The following ADGRB3 variants were observed in gnomAD, a reference collection of about 807,000 sequenced individuals.
ADGRB3 encodes adhesion G protein-coupled receptor B3.
In ADGRB3, 37 loss-of-function variants were observed where a neutral mutation model predicts 193.4. The ratio of observed to expected loss-of-function variants is 0.19; its 90% CI spans 0.15 to 0.25. The LOEUF (loss-of-function observed/expected upper bound fraction) is 0.25. Among genes scored for constraint, ADGRB3 ranks in the 10% least tolerant of loss-of-function variants. ADGRB3 has a pLI of 1.00. For synonymous variants in ADGRB3, 690 were observed against 644.2 expected (o/e 1.07, Z -1.08); for missense variants, 1,637 against 1,852.9 (o/e 0.88, Z 2.14).
chr6:68,719,970 G>A (rs1765549245), intron 3 of ADGRB3, among the ~76,000 whole-genome samples: 1 of 151,638 alleles, frequency 6.6e-6, no homozygotes, highest in Non-Finnish European at 1.5e-5. Context: ...GTGATGAAAA[G>A]GAGGGCTTTC....
chr6:69,180,738 A>G (rs1383401076), intron 17 of ADGRB3, among the ~76,000 whole-genome samples: 3 of 152,108 alleles, frequency 2.0e-5, no homozygotes, highest in Non-Finnish European at 4.4e-5. Flanking sequence ...TGTAACACCT[A>G]CTGCTGAGCT....
chr6:69,082,621 A>C (rs201639106), intron 17 of ADGRB3, among the ~76,000 whole-genome samples: 1 of 151,946 alleles, frequency 6.6e-6, no homozygotes, highest in East Asian at 1.9e-4. Flanking sequence ...CCATTTAATT[A>C]CTTTTGATCT....
At chr6:69,175,036 A>AT (rs947999680) in intron 17 of ADGRB3, among the ~76,000 whole-genome samples, 8 of 151,820 alleles carry the variant, frequency 5.3e-5, no homozygotes, top group South Asian at 2.1e-4. Flanking sequence ...CTTTGTGAGT[A>AT]TTTTTTTTCC....
At chr6:69,270,250 A>G (rs914745877) in intron 20 of ADGRB3, among the ~76,000 whole-genome samples, 1 of 152,204 alleles carries the variant, frequency 6.6e-6, no homozygotes, top group African/African-American at 2.4e-5. Flanking sequence ...AGTTAAATGA[A>G]TTAATTATAA....
chr6:68,745,724 AG>A (rs1475647806), intron 3 of ADGRB3, among the ~76,000 whole-genome samples: 1 of 151,832 alleles, frequency 6.6e-6, no homozygotes, highest in Admixed American at 6.6e-5. Flanking sequence ...TTGTATATTT[AG>A]AAATGAATTT....
chr6:69,124,886 A>ATTTTTT (rs60143202), intron 17 of ADGRB3, among the ~76,000 whole-genome samples: 1 of 149,404 alleles, frequency 6.7e-6, no homozygotes. Context: ...CAGTTTTGCC[A>ATTTTTT]TTTTTTTTTT....
chr6:69,367,043 T>A (rs1396448788), intron 29 of ADGRB3, among the ~76,000 whole-genome samples: 1 of 152,092 alleles, frequency 6.6e-6, no homozygotes, highest in Non-Finnish European at 1.5e-5. Flanking sequence ...TTTCTCTAGA[T>A]AAGGTGGTCT....
At chr6:68,706,130 G>C (rs1246692707) in intron 3 of ADGRB3, among the ~76,000 whole-genome samples, 1 of 152,190 alleles carries the variant, frequency 6.6e-6, no homozygotes, top group Non-Finnish European at 1.5e-5. Context: ...AAAGCGTTCA[G>C]AGGAGGCTTG....
intron 3 of ADGRB3, among the ~76,000 whole-genome samples, chr6:68,862,220 T>C (rs1765176778): frequency 6.7e-6 from 1 of 149,348 alleles, no homozygotes; most frequent in African/African-American, 2.5e-5. Flanking sequence ...TTCACAAACC[T>C]CCTCTTTTCC....
At chr6:68,990,472 A>G (rs192298513) in intron 10 of ADGRB3, among the ~76,000 whole-genome samples, 2 of 152,096 alleles carry the variant, frequency 1.3e-5, no homozygotes, top group African/African-American at 2.4e-5. Context: ...TCATCTGGGC[A>G]CCTGTTTGCT....
At chr6:68,733,329 T>C (rs975529441) in intron 3 of ADGRB3, among the ~76,000 whole-genome samples, 1 of 150,542 alleles carries the variant, frequency 6.6e-6, no homozygotes, top group Non-Finnish European at 1.5e-5. Context: ...AAGAATGACA[T>C]CGTGTCCTTT....
intron 3 of ADGRB3, among the ~76,000 whole-genome samples, chr6:68,819,895 G>T (rs772523284): frequency 6.6e-6 from 1 of 151,898 alleles, no homozygotes; most frequent in Admixed American, 6.6e-5. Context: ...TTATTTCCCC[G>T]AATATCATCA....
chr6:69,070,978 ACT>A lies in ADGRB3; in HGVS notation c.2437-5014_2437-5013del, dbSNP rs532446290. Among the ~76,000 whole-genome samples the A allele has an allele frequency of 2.0e-5, 3 of 152,058 alleles. No homozygotes were observed. In the South Asian group the frequency reaches 6.2e-4, roughly 32 times the overall value. ...TTCTTAATAGACAAAAGTACTATCC[ACT>A]CTATTTTCCTAGTTGTACCTAGTCG... On this transcript the variant is annotated intron_variant, in intron 16 of 31. Coordinates refer to ENST00000370598, the MANE Select transcript of ADGRB3 (RefSeq NM_001704.3).
chr6:69,168,209 G>T (rs1561940377), intron 17 of ADGRB3, among the ~76,000 whole-genome samples: 1 of 152,080 alleles, frequency 6.6e-6, no homozygotes, highest in Non-Finnish European at 1.5e-5. Flanking sequence ...TACTTAATCA[G>T]TAGAAACGTA....
intron 3 of ADGRB3, among the ~76,000 whole-genome samples, chr6:68,719,470 A>G (rs12206222): frequency 0.36 from 53,885 of 151,370 alleles, 10,422 homozygotes; most frequent in East Asian, 0.64. Flanking sequence ...CGAACAGCAT[A>G]CAATGAGAGT....
At chr6:69,174,433 C>T (rs1167399532) in intron 17 of ADGRB3, among the ~76,000 whole-genome samples, 1 of 152,184 alleles carries the variant, frequency 6.6e-6, no homozygotes, top group Non-Finnish European at 1.5e-5. Flanking sequence ...ACCATGACTT[C>T]ATTTCTTTTT....
Position 68,842,232 on chromosome 6 carries a change from A to C in ADGRB3, c.758-88327A>C, listed in dbSNP as rs144098468. Among the ~76,000 whole-genome samples, 487 of 152,098 alleles carry C rather than the reference A, an allele frequency of 3.2e-3. 1 individual carries two copies. Among genetic ancestry groups the C allele is most frequent in the African/African-American group, 0.011 (478 of 41,568 alleles). ...AAAATAATACAAAAATCAATGAACC[A>C]AAAAGTGAGTTCTTTGAAAAGATAA... On this transcript the variant is annotated intron_variant, in intron 3 of 31. Coordinates refer to ENST00000370598, the MANE Select transcript of ADGRB3 (RefSeq NM_001704.3).
At chr6:68,877,007 T>G (rs1428192882) in intron 3 of ADGRB3, among the ~76,000 whole-genome samples, 1 of 152,080 alleles carries the variant, frequency 6.6e-6, no homozygotes, top group Non-Finnish European at 1.5e-5. Context: ...TTCAAACATT[T>G]TATTTTGAAA....
intron 10 of ADGRB3, among the ~76,000 whole-genome samples, chr6:68,987,432 CA>C (rs1273953491): frequency 6.6e-6 from 1 of 152,108 alleles, no homozygotes; most frequent in Non-Finnish European, 1.5e-5. Flanking sequence ...TAAGTTGTTT[CA>C]TGTCTTTTGT....
Sources: gnomAD v4.1 joint callset for allele counts (sites outside exome capture counted in the v4.1 genomes callset) on GRCh38, gnomAD v4.1.1 for gene constraint, MANE v1.5 for transcripts, NCBI Gene and HGNC (gene_info 2026-07-23, HGNC 2026-07-21) for gene names.